The following CERS3 variants were observed in gnomAD, a reference collection of about 807,000 sequenced individuals.
The protein encoded by CERS3 is LAG1 homolog, ceramide synthase 3.
A neutral mutation model predicts 50.3 loss-of-function variants in CERS3; 33 were observed. That is an observed-to-expected ratio of 0.66 (90% CI 0.50 to 0.88). CERS3 has a LOEUF of 0.88. Among genes scored for constraint, CERS3 ranks in the 40% least tolerant of loss-of-function variants. The probability of loss-of-function intolerance (pLI) is 0.00; values close to 1 mark genes in which losing one functional copy is unlikely to be tolerated. For synonymous variants in CERS3, 176 were observed against 155.2 expected, an observed-to-expected ratio of 1.13 and a Z score of -0.99; for missense variants, 470 against 460.3, an observed-to-expected ratio of 1.02 and a Z score of -0.19.
chr15:100,482,944 T>C (rs1265088674), intron 5 of CERS3, among the ~76,000 whole-genome samples: 1 of 152,194 alleles, frequency 6.6e-6, no homozygotes, highest in East Asian at 1.9e-4. Flanking sequence ...TAGTCCATAA[T>C]AACTTTTAAC....
At chr15:100,425,011 G>A (rs546275675) in intron 11 of CERS3, among the ~76,000 whole-genome samples, 8 of 131,220 alleles carry the variant, frequency 6.1e-5, no homozygotes, top group Admixed American at 3.2e-4. Flanking sequence ...AAACCTTGGC[G>A]GCTTCCATAT....
At chr15:100,536,490 G>T (rs1184670587) in intron 1 of CERS3, among the ~76,000 whole-genome samples, 2 of 152,130 alleles carry the variant, frequency 1.3e-5, no homozygotes, top group Non-Finnish European at 2.9e-5. Flanking sequence ...TCACCATGTT[G>T]CCCAGGCTGG....
intron 11 of CERS3, among the ~76,000 whole-genome samples, chr15:100,415,769 A>C (rs1288419937): frequency 6.7e-6 from 1 of 148,658 alleles, no homozygotes; most frequent in Non-Finnish European, 1.5e-5. Context: ...GGAGGTGAAA[A>C]ACACACACCA....
At chr15:100,410,553 G>A (rs1318519492) in intron 11 of CERS3, among the ~76,000 whole-genome samples, 1 of 152,172 alleles carries the variant, frequency 6.6e-6, no homozygotes, top group African/African-American at 2.4e-5. Flanking sequence ...GCATAGAGAC[G>A]AACTGCCTCA....
In CERS3 at chr15:100,476,444, C is replaced by A. The variant is rs180987993; in HGVS notation, c.517-266G>T. Among the ~76,000 whole-genome samples the A allele has an allele frequency of 2.6e-4, 39 of 152,158 alleles. 1 individual carries two copies. Among genetic ancestry groups the A allele is most frequent in the African/African-American group, 9.4e-4 (39 of 41,532 alleles). On this transcript the variant is annotated intron_variant, in intron 7 of 11. Coordinates refer to ENST00000679737, the MANE Select transcript of CERS3 (RefSeq NM_001378789.1). ...AATACAACTGCCACAGGTGTAAATG[C>A]CTTCAGTTTATTCAGAGTCAAGTTT...
In CERS3 at chr15:100,400,450, G is replaced by A. The variant is rs896796017; in HGVS notation, c.*2263C>T. On this transcript the variant is annotated 3_prime_UTR_variant, in exon 12 of 12. Transcript: ENST00000679737. ...TTACTGTTACAATATTGATAGCACT[G>A]TGGACTGCATTTTTATAAGGTCATC... 6.6e-6 allele frequency: 1 copy of A among 152,194 alleles called. No homozygotes were observed. 9.4% of individuals were successfully genotyped at this position (152,194 alleles called of 1,614,324 possible).
At chr15:100,445,520 T>G (rs2033898159) in intron 11 of CERS3, among the ~76,000 whole-genome samples, 1 of 152,170 alleles carries the variant, frequency 6.6e-6, no homozygotes, top group African/African-American at 2.4e-5. Flanking sequence ...CTTATTCCGT[T>G]TAGTTTTTCA....
chr15:100,501,275 T>C (rs2035988117), intron 3 of CERS3, among the ~76,000 whole-genome samples: 1 of 152,218 alleles, frequency 6.6e-6, no homozygotes, highest in Non-Finnish European at 1.5e-5. Context: ...TTATAGGCAC[T>C]TGAGGATGCT....
Position 100,466,767 on chromosome 15 carries a change from TC to T in CERS3, c.845+2610del, listed in dbSNP as rs1567638349. Among the ~76,000 whole-genome samples, 48 of 23,068 alleles carry T rather than the reference TC, an allele frequency of 2.1e-3. 1 individual carries two copies. Among genetic ancestry groups the T allele is most frequent in the African/African-American group, 4.0e-3 (43 of 10,880 alleles). 15.1% of individuals were successfully genotyped at this position (23,068 alleles called of 152,430 possible). A position where few individuals can be genotyped will look rare whatever the true frequency, so the allele number is the denominator to read the frequency against. ...TTCCTTCCTTCCTTCCTTCCTTCCT[TC>T]CTTCCTTCCTTCCTTCCTTCCTTCC... On this transcript the variant is annotated intron_variant, in intron 10 of 11. Coordinates refer to ENST00000679737, the MANE Select transcript of CERS3 (RefSeq NM_001378789.1).
Position 100,476,155 on chromosome 15 carries a change from C to T in CERS3, c.540G>A (p.Trp180Ter). 1 of 1,582,642 alleles carries T rather than the reference C, an allele frequency of 6.3e-7. No individual in the cohort carries two copies. The highest frequency in any genetic ancestry group is 8.6e-7 in the Non-Finnish European group (1 of 1,168,834). Residue 180 changes from tryptophan (W) to a stop codon, truncating the protein, a stop_gained, in exon 8 of 12, where the codon TGG becomes TGA. Coordinates refer to ENST00000679737, the MANE Select transcript of CERS3 (RefSeq NM_001378789.1). LOFTEE classifies it high-confidence loss of function. ...PKQPLLPSQY[W>*]YYILEMSFYW... ...AAAAACTCATTTCTAAAATGTAGTA[C>T]CAGTACTGGGATGGCAGCAGGGGCT...
intron 9 of CERS3, among the ~76,000 whole-genome samples, chr15:100,471,252 T>C (rs1040407188): frequency 6.6e-6 from 1 of 152,056 alleles, no homozygotes; most frequent in African/African-American, 2.4e-5. Flanking sequence ...TTTTTTAACC[T>C]AAGGACCTCA....
At chr15:100,510,869 T>A (rs1056497647) in intron 2 of CERS3, among the ~76,000 whole-genome samples, 1 of 152,198 alleles carries the variant, frequency 6.6e-6, no homozygotes, top group Non-Finnish European at 1.5e-5. Context: ...GTTCTATTTG[T>A]TACAACAGGT....
At chr15:100,425,074 C>G (rs1404685056) in intron 11 of CERS3, among the ~76,000 whole-genome samples, 2 of 152,206 alleles carry the variant, frequency 1.3e-5, no homozygotes, top group Middle Eastern at 3.2e-3. Context: ...GAGCCTCCGC[C>G]TAGATTTCAG....
chr15:100,402,710 C>A lies in CERS3; in HGVS notation c.*3G>T. On this transcript the variant is annotated 3_prime_UTR_variant, in exon 12 of 12. Transcript: ENST00000679737. ...GTGCCATGGGAGTCCTGTAGGCTTC[C>A]AGCTAATGGCCATGCTGGCCATTGG... is the stretch of plus-strand genomic sequence containing the variant. 6.2e-7 allele frequency: 1 copy of A among 1,613,574 alleles called. No homozygotes were observed. The highest frequency in any genetic ancestry group is 1.1e-5 in the South Asian group (1 of 91,046).
chr15:100,519,507 C>G (rs573968323), intron 2 of CERS3, among the ~76,000 whole-genome samples: 1 of 152,154 alleles, frequency 6.6e-6, no homozygotes, highest in Non-Finnish European at 1.5e-5. Context: ...AATATACATA[C>G]GAAAGACACT....
At chr15:100,456,130 T>C in intron 10 of CERS3, 84 bp from the exon 11 acceptor site, 3 of 1,020,936 alleles carry the variant, frequency 2.9e-6, no homozygotes, top group South Asian at 4.8e-5. Flanking sequence ...GTTTTTCTCC[T>C]AAGCCATACA....
upstream of CERS3, among the ~76,000 whole-genome samples, chr15:100,529,962 G>T (rs2036898345): frequency 6.6e-6 from 1 of 152,212 alleles, no homozygotes; most frequent in Non-Finnish European, 1.5e-5. Flanking sequence ...AAGTTTCTCA[G>T]ATTTCACTAA....
rs2033469954 is a variant in CERS3 at position 100,437,424 on chromosome 15, G to A, written c.999+18469C>T. 2.0e-5 allele frequency among the ~76,000 whole-genome samples: 3 copies of A among 152,154 alleles called. No individual in the cohort carries two copies. The South Asian group carries it at 6.2e-4, about 31-fold the overall frequency. On this transcript the variant is annotated intron_variant, in intron 11 of 11. Coordinates refer to ENST00000679737, the MANE Select transcript of CERS3 (RefSeq NM_001378789.1). ...TTCCCTAACATGTTGACATCTACGA[G>A]GATGTGTCAAAAATGACCACCTGGA...
intron 1 of CERS3, among the ~76,000 whole-genome samples, chr15:100,539,376 T>G (rs1024614902): frequency 1.3e-5 from 2 of 152,194 alleles, no homozygotes; most frequent in African/African-American, 4.8e-5. Flanking sequence ...TAGTCCATTT[T>G]CATACTGTTA....
Sources: gnomAD v4.1 joint callset for allele counts (sites outside exome capture counted in the v4.1 genomes callset) on GRCh38, gnomAD v4.1.1 for gene constraint, MANE v1.5 for transcripts, NCBI Gene and HGNC (gene_info 2026-07-23, HGNC 2026-07-21) for gene names.